The following TNRC6B variants were observed in gnomAD, a reference collection of about 807,000 sequenced individuals.
TNRC6B encodes the protein trinucleotide repeat containing adaptor 6B, also known as trinucleotide repeat-containing gene 6B protein.
A neutral mutation model predicts 203.6 loss-of-function variants in TNRC6B; 52 were observed. The ratio of observed to expected loss-of-function variants is 0.26; its 90% CI spans 0.20 to 0.32. The LOEUF is 0.32. Among genes scored for constraint, TNRC6B ranks in the 10% least tolerant of loss-of-function variants. The probability of loss-of-function intolerance (pLI) is 1.00; values close to 1 mark genes in which losing one functional copy is unlikely to be tolerated. For synonymous variants in TNRC6B, 838 were observed against 845.7 expected (o/e 0.99, Z 0.16); for missense variants, 1,923 against 2,286.2 (o/e 0.84, Z 3.24).
At chr22:40,245,759 T>C (rs1569036330) in intron 1 of TNRC6B, among the ~76,000 whole-genome samples, 3 of 152,164 alleles carry the variant, frequency 2.0e-5, no homozygotes, top group Non-Finnish European at 1.5e-5. Flanking sequence ...TAGGTAGATA[T>C]TATAAAAGCT....
chr22:40,214,594 C>G (rs2069609742), intron 1 of TNRC6B, among the ~76,000 whole-genome samples: 1 of 150,960 alleles, frequency 6.6e-6, no homozygotes, highest in South Asian at 2.1e-4. Flanking sequence ...GAGTTTTGCT[C>G]TGTTGCCCAG....
chr22:40,302,905 T>A (rs1223189427), intron 15 of TNRC6B, among the ~76,000 whole-genome samples: 3 of 152,168 alleles, frequency 2.0e-5, no homozygotes, highest in Non-Finnish European at 4.4e-5. Context: ...TAACTTTTCT[T>A]GCACTTGATA....
chr22:40,201,697 T>C (rs542053540), intron 1 of TNRC6B, among the ~76,000 whole-genome samples: 1 of 151,930 alleles, frequency 6.6e-6, no homozygotes, highest in Non-Finnish European at 1.5e-5. Flanking sequence ...GTAGCTGGGA[T>C]TAGAGTTGTG....
chr22:40,082,128 G>A (rs2068068324), intron 1 of TNRC6B, among the ~76,000 whole-genome samples: 1 of 152,042 alleles, frequency 6.6e-6, no homozygotes, highest in Non-Finnish European at 1.5e-5. Flanking sequence ...GAAGTTTTGG[G>A]CTCATTCTAC....
intron 1 of TNRC6B, among the ~76,000 whole-genome samples, chr22:40,228,098 GT>G (rs2146446000): frequency 6.6e-6 from 1 of 152,288 alleles, no homozygotes; most frequent in Admixed American, 6.5e-5. Flanking sequence ...CCCTTAAGGT[GT>G]AAACATAGTT....
At chr22:40,299,102 G>A (rs185829458) in intron 12 of TNRC6B, among the ~76,000 whole-genome samples, 72 of 142,114 alleles carry the variant, frequency 5.1e-4, no homozygotes, top group African/African-American at 1.8e-3. Context: ...CCATGATCAC[G>A]CCACTGCATT....
At chr22:40,154,860 AATATATATATATATATATATAT>A (rs71199273) in intron 3 of TNRC6B, among the ~76,000 whole-genome samples, 1 of 23,586 alleles carries the variant, frequency 4.2e-5, no homozygotes, top group Non-Finnish European at 6.2e-5. Flanking sequence ...AAAAAAAAAA[AATATATATATATATATATATAT>A]ATATATATAT....
In TNRC6B at chr22:40,149,825, G is replaced by A. The variant is rs564991189; in HGVS notation, c.46-6290G>A. Among the ~76,000 whole-genome samples, 34 of 151,974 alleles carry A rather than the reference G, an allele frequency of 2.2e-4. No individual in the cohort carries two copies. In the South Asian group the frequency reaches 6.8e-3, roughly 31 times the overall value. ...TGTACTTTTTTTTTTAAGAGACAGG[G>A]TCTCACTTTGTCACCCAGGCTGAAG... is the stretch of plus-strand genomic sequence containing the variant. On this transcript the variant is annotated intron_variant, in intron 3 of 23. Coordinates refer to the TNRC6B transcript ENST00000301923.
chr22:40,258,071 CTTTTTTTTTTTTTTTTT>C (rs56078653), intron 3 of TNRC6B, among the ~76,000 whole-genome samples: 3 of 28,714 alleles, frequency 1.0e-4, no homozygotes, highest in South Asian at 1.7e-3. Flanking sequence ...GATACACAGC[CTTTTTTTTTTTTTTTTT>C]TTTTTTTTTT....
chr22:40,055,871 C>T (rs543080468), intron 1 of TNRC6B, among the ~76,000 whole-genome samples: 274 of 152,304 alleles, frequency 1.8e-3, no homozygotes, highest in African/African-American at 6.4e-3. Context: ...AGAAGGGCCT[C>T]TGGTATATGT....
At chr22:40,317,929 T>G (rs373892237) in intron 21 of TNRC6B, among the ~76,000 whole-genome samples, 2 of 152,206 alleles carry the variant, frequency 1.3e-5, no homozygotes, top group East Asian at 3.8e-4. Context: ...TCATGCACAC[T>G]TTATTAAGCC....
chr22:40,258,436 C>G (rs910022515), intron 3 of TNRC6B, among the ~76,000 whole-genome samples: 1 of 151,918 alleles, frequency 6.6e-6, no homozygotes, highest in Non-Finnish European at 1.5e-5. Context: ...CAATTAGTGC[C>G]GGCAATTCTG....
In TNRC6B at chr22:40,324,650, C is replaced by G. The variant is rs1256476949; in HGVS notation, c.*1409C>G. Reference sequence around the variant, plus strand: ...GGCGCGTTACAGCACCAGGCCATCACTGACAGAAACGTTTACTTAACGAAT... The same window carrying G: ...GGCGCGTTACAGCACCAGGCCATCAGTGACAGAAACGTTTACTTAACGAAT... On this transcript the variant is annotated 3_prime_UTR_variant, in exon 23 of 23. Coordinates refer to ENST00000454349, the MANE Select transcript of TNRC6B (RefSeq NM_001162501.2). 6.6e-6 allele frequency: 1 copy of G among 152,664 alleles called. No individual in the cohort carries two copies. The highest frequency in any genetic ancestry group is 1.5e-5 in the Non-Finnish European group (1 of 68,052). The allele number at this position is 152,664 out of a possible 1,614,324, so 9.5% of individuals were successfully genotyped here.
At chr22:40,292,162 C>G in intron 12 of TNRC6B, among the ~76,000 whole-genome samples, 1 of 151,928 alleles carries the variant, frequency 6.6e-6, no homozygotes, top group East Asian at 1.9e-4. Flanking sequence ...CCACTGCGCT[C>G]CAGCTTGGGC....
chr22:40,111,023 A>G lies in TNRC6B; in HGVS notation c.-120-6032A>G, dbSNP rs148913623. Among the ~76,000 whole-genome samples the G allele has an allele frequency of 5.3e-5, 8 of 152,346 alleles. No homozygotes were observed. In the Middle Eastern group the frequency reaches 0.014, roughly 259 times the overall value. ...TTACCACCTCCTAGTGTACACACAC[A>G]TAAGCAAGCCTAGTGTGTGTTCTGA... On this transcript the variant is annotated intron_variant, in intron 1 of 23. Coordinates refer to the TNRC6B transcript ENST00000301923.
intron 1 of TNRC6B, among the ~76,000 whole-genome samples, chr22:40,112,622 G>A (rs1324416030): frequency 2.0e-5 from 3 of 152,158 alleles, no homozygotes; most frequent in African/African-American, 4.8e-5. Context: ...GTTCTGCTTC[G>A]GATTTTTATT....
rs746155118 is a variant in TNRC6B, at chr22:40,313,002, G to C, written c.4678+5G>C. ...CCAACGTTCATAGCACTTCAGGTATGAGTGTGAATTTTTTGTTTCCCTTTG... is the reference window on the plus strand; with the variant it reads ...CCAACGTTCATAGCACTTCAGGTATCAGTGTGAATTTTTTGTTTCCCTTTG... On this transcript the variant is annotated splice_donor_5th_base_variant and intron_variant, in intron 19 of 22. Coordinates refer to ENST00000454349, the MANE Select transcript of TNRC6B (RefSeq NM_001162501.2). 2.5e-6 allele frequency: 4 copies of C among 1,611,262 alleles called. No individual in the cohort carries two copies. In the East Asian group the frequency reaches 8.9e-5, roughly 36 times the overall value.
chr22:40,249,083 C>A (rs1338944747), intron 2 of TNRC6B, among the ~76,000 whole-genome samples: 1 of 152,156 alleles, frequency 6.6e-6, no homozygotes, highest in Non-Finnish European at 1.5e-5. Flanking sequence ...TCATTCGGTC[C>A]GCAAACATTT....
rs1181240748 is a variant in TNRC6B, at chr22:40,335,518, G to A, written c.*12277G>A. On this transcript the variant is annotated 3_prime_UTR_variant, in exon 23 of 23. Coordinates refer to ENST00000454349, the MANE Select transcript of TNRC6B (RefSeq NM_001162501.2). The stretch of plus-strand genomic sequence containing the variant: ...AGTATCAAAAACAAAAAAAACTAAA[G>A]GGTGGTGTTTTATTGGATTGTGACA... The A allele has an allele frequency of 1.3e-5, 2 of 150,300 alleles. No individual in the cohort carries two copies. The highest frequency in any genetic ancestry group is 4.9e-5 in the African/African-American group (2 of 40,914). The allele number at this position is 150,300 out of a possible 1,614,324, so 9.3% of individuals were successfully genotyped here.
Sources: gnomAD v4.1 joint callset for allele counts (sites outside exome capture counted in the v4.1 genomes callset) on GRCh38, gnomAD v4.1.1 for gene constraint, MANE v1.5 for transcripts, NCBI Gene and HGNC (gene_info 2026-07-23, HGNC 2026-07-21) for gene names.